The following TMEM165 variants were observed in gnomAD, a reference collection of about 807,000 sequenced individuals.
The protein encoded by TMEM165 is transmembrane protein 165, also known as putative divalent cation/proton antiporter TMEM165.
A neutral mutation model predicts 30.0 loss-of-function variants in TMEM165; 19 were observed. The observed-to-expected ratio is 0.63, with a 90% confidence interval of 0.44 to 0.93. TMEM165 has a LOEUF of 0.93. Ranked by LOEUF, TMEM165 falls within the 40% of genes least tolerant of loss-of-function variation. The pLI is 0.00. For missense variants in TMEM165, 340 were observed against 417.0 expected, an observed-to-expected ratio of 0.82 and a Z score of 1.61; for synonymous variants, 168 against 162.9, an observed-to-expected ratio of 1.03 and a Z score of -0.24.
chr4:55,439,887 T>C (rs1723209263), intron 3 of TMEM165, among the ~76,000 whole-genome samples: 1 of 152,070 alleles, frequency 6.6e-6, no homozygotes, highest in Non-Finnish European at 1.5e-5. Context: ...AGTTTCTGTT[T>C]GGGAAGATGA....
chr4:55,416,171 TTA>T (rs2109550207), intron 2 of TMEM165: 1 of 152,232 alleles, frequency 6.6e-6, no homozygotes, highest in South Asian at 2.1e-4. Flanking sequence ...ATTGTATTTA[TTA>T]TATGTATGGT....
intron 1 of TMEM165, among the ~76,000 whole-genome samples, chr4:55,404,606 A>G (rs1482590339): frequency 6.7e-6 from 1 of 149,678 alleles, no homozygotes; most frequent in Non-Finnish European, 1.5e-5. Flanking sequence ...TATTTATTTT[A>G]TTTTTTTTTT....
intron 1 of TMEM165, among the ~76,000 whole-genome samples, chr4:55,407,074 C>G (rs2109534725): frequency 6.6e-6 from 1 of 152,326 alleles, no homozygotes. Context: ...TGTAATAGGC[C>G]TCCCATACTC....
chr4:55,412,393 CAAAAAAAAAAAAAA>C (rs371124857), intron 2 of TMEM165, among the ~76,000 whole-genome samples: 1 of 54,366 alleles, frequency 1.8e-5, no homozygotes, highest in Non-Finnish European at 3.1e-5. Context: ...GACTCCATCT[CAAAAAAAAAAAAAA>C]AAAAAAAAAA....
downstream of TMEM165, chr4:55,430,689 A>G (rs1355928224): frequency 4.6e-5 from 7 of 152,186 alleles, no homozygotes; most frequent in Non-Finnish European, 8.8e-5. Flanking sequence ...GGCACATTTA[A>G]AACACTCAGA....
At chr4:55,440,623 A>G (rs1314485410) in intron 3 of TMEM165, among the ~76,000 whole-genome samples, 1 of 152,246 alleles carries the variant, frequency 6.6e-6, no homozygotes, top group Non-Finnish European at 1.5e-5. Flanking sequence ...CCATATTAAG[A>G]AAGTCCAAAG....
intron 3 of TMEM165, chr4:55,450,268 G>C: frequency 6.2e-7 from 1 of 1,612,732 alleles, no homozygotes; most frequent in Non-Finnish European, 8.5e-7. Flanking sequence ...TTTTCTTGTG[G>C]TTCAGTTCAG....
Position 55,442,698 on chromosome 4 carries a change from A to G in TMEM165, c.409-9541A>G, listed in dbSNP as rs1488788308. On this transcript the variant is annotated intron_variant, in intron 3 of 3. Coordinates refer to the TMEM165 transcript ENST00000608091. The stretch of plus-strand genomic sequence containing the variant: ...AAAATAATTATTTGGGAAGTATGCT[A>G]GAATTCATCATTCTAACAATATGAC... The G allele has an allele frequency of 6.8e-6, 9 of 1,333,004 alleles. No individual in the cohort carries two copies. In the Admixed American group the frequency reaches 1.5e-4, roughly 22 times the overall value. 82.6% of individuals were successfully genotyped at this position (1,333,004 alleles called of 1,614,324 possible). A position where few individuals can be genotyped will look rare whatever the true frequency, so the allele number is the denominator to read the frequency against.
chr4:55,404,629 G>C (rs947743468), intron 1 of TMEM165, among the ~76,000 whole-genome samples: 1 of 151,554 alleles, frequency 6.6e-6, no homozygotes, highest in African/African-American at 2.4e-5. Flanking sequence ...GTGGAGATGA[G>C]GTCTCACTAT....
intron 3 of TMEM165, among the ~76,000 whole-genome samples, chr4:55,440,404 C>T (rs1723268282): frequency 6.6e-6 from 1 of 152,124 alleles, no homozygotes; most frequent in African/African-American, 2.4e-5. Flanking sequence ...AATATTATTT[C>T]CATTTGCCTT....
At position 55,424,530 on chromosome 4, in the gene TMEM165, G is replaced by A; in HGVS notation, c.793-8G>A. 6.3e-7 allele frequency: 1 copy of A among 1,589,668 alleles called. No homozygotes were observed. Among genetic ancestry groups the A allele is most frequent in the Non-Finnish European group, 8.6e-7 (1 of 1,158,412 alleles). The stretch of plus-strand genomic sequence containing the variant: ...GTTTTGAATTAATGCTGTGACGCTT[G>A]CTTCCAGGACCCCTATGGTGTAGCC... On this transcript the variant is annotated splice_region_variant and splice_polypyrimidine_tract_variant and intron_variant, in intron 4 of 5. Transcript: ENST00000381334.
rs372252992 is a variant in TMEM165 at position 55,443,012 on chromosome 4, A to G, written c.409-9227A>G. ...ACAGTAATTACCAACATTTTCTGGA[A>G]TATTCAATAAACCATTATGCCCCCT... On this transcript the variant is annotated intron_variant, in intron 3 of 3. Transcript: ENST00000608091. 3.3e-5 allele frequency among the ~76,000 whole-genome samples: 5 copies of G among 152,270 alleles called. No homozygotes were observed. In the South Asian group the frequency reaches 1.0e-3, roughly 32 times the overall value.
intron 3 of TMEM165, chr4:55,442,575 C>A: frequency 6.2e-7 from 1 of 1,612,224 alleles, no homozygotes; most frequent in Non-Finnish European, 8.5e-7. Flanking sequence ...TAAGAGTGCT[C>A]TGTGTCTGAC....
At chr4:55,416,904 T>G in intron 2 of TMEM165, 168 bp from the exon 3 acceptor site, 1 of 556,774 alleles carries the variant, frequency 1.8e-6, no homozygotes, top group Admixed American at 3.7e-5. Flanking sequence ...TGGTTTATTA[T>G]TGGTGGAGAG....
chr4:55,412,018 C>T (rs905243253), intron 2 of TMEM165, 179 bp downstream of exon 2: 5 of 653,608 alleles, frequency 7.6e-6, no homozygotes, highest in Non-Finnish European at 1.3e-5. Context: ...TAATTTTGTA[C>T]CCCCTCTCGC....
exon 4 of TMEM165, chr4:55,452,615 C>A: frequency 5.5e-6 from 1 of 182,502 alleles, no homozygotes; most frequent in Non-Finnish European, 1.2e-5. Context: ...TACTTCTGAC[C>A]TGATATAACA....
intron 2 of TMEM165, among the ~76,000 whole-genome samples, chr4:55,414,386 G>A (rs769493462): frequency 6.6e-6 from 1 of 151,796 alleles, no homozygotes; most frequent in African/African-American, 2.4e-5. Flanking sequence ...TAAATCATAT[G>A]TGTTTATTTC....
At chr4:55,401,906 C>G (rs1462127046) in intron 1 of TMEM165, among the ~76,000 whole-genome samples, 1 of 149,946 alleles carries the variant, frequency 6.7e-6, no homozygotes, top group South Asian at 2.1e-4. Flanking sequence ...CACCTGAGGT[C>G]AAGAGTTCTA....
chr4:55,401,915 T>C (rs1253196609), intron 1 of TMEM165, among the ~76,000 whole-genome samples: 1 of 149,836 alleles, frequency 6.7e-6, no homozygotes, highest in Non-Finnish European at 1.5e-5. Flanking sequence ...TCAAGAGTTC[T>C]AGACCAGCCT....
Sources: gnomAD v4.1 joint callset for allele counts (sites outside exome capture counted in the v4.1 genomes callset) on GRCh38, gnomAD v4.1.1 for gene constraint, MANE v1.5 for transcripts, NCBI Gene and HGNC (gene_info 2026-07-23, HGNC 2026-07-21) for gene names.